Variants in ETV1 observed in about 807,000 individuals in gnomAD.
The protein encoded by ETV1 is ETS variant transcription factor 1, also known as ETS translocation variant 1.
ETV1 carries 27 observed loss-of-function variants against 62.3 expected under a neutral mutation model. That is an observed-to-expected ratio of 0.43 (90% CI 0.32 to 0.60). The LOEUF is 0.60. Among genes scored for constraint, ETV1 ranks in the 20% least tolerant of loss-of-function variants. The pLI, the probability that ETV1 is intolerant of heterozygous loss-of-function variation, is 0.06. For synonymous variants in ETV1, 222 were observed against 199.6 expected (o/e 1.11, Z -0.94); for missense variants, 605 against 605.8 (o/e 1.00, Z 0.01).
In ETV1 at chr7:13,895,211, A is replaced by G. The variant is rs906042100; in HGVS notation, c.*655T>C. 1 of 233,482 alleles carries G rather than the reference A, an allele frequency of 4.3e-6. No homozygotes were observed. The highest frequency in any genetic ancestry group is 8.5e-6 in the Non-Finnish European group (1 of 117,982). The allele number at this position is 233,482 out of a possible 1,614,324, so 14.5% of individuals were successfully genotyped here. The stretch of plus-strand genomic sequence containing the variant: ...GTCCAAAATTGTGCCCCTCATTTAC[A>G]GTCATGGTGATTATTCAACTTCAGA... On this transcript the variant is annotated 3_prime_UTR_variant, in exon 14 of 14. Coordinates refer to ENST00000430479, the MANE Select transcript of ETV1 (RefSeq NM_004956.5).
At chr7:13,974,390 G>A (rs1200713632) in intron 6 of ETV1, among the ~76,000 whole-genome samples, 1 of 152,234 alleles carries the variant, frequency 6.6e-6, no homozygotes, top group Non-Finnish European at 1.5e-5. Context: ...GGCTTCGGTT[G>A]TAGAAGAATT....
chr7:13,914,434 C>G (rs1357164258), intron 9 of ETV1, among the ~76,000 whole-genome samples: 1 of 151,878 alleles, frequency 6.6e-6, no homozygotes, highest in Non-Finnish European at 1.5e-5. Flanking sequence ...GTGATGAAAG[C>G]TGATCTAATA....
At chr7:13,987,008 T>C (rs1782605930) in intron 4 of ETV1, 1 of 247,092 alleles carries the variant, frequency 4.0e-6, no homozygotes. Flanking sequence ...TATGTGTCTG[T>C]TCACTGAAAT....
chr7:13,940,934 A>C (rs1281759108), intron 6 of ETV1, among the ~76,000 whole-genome samples: 2 of 152,216 alleles, frequency 1.3e-5, no homozygotes, highest in African/African-American at 4.8e-5. Context: ...CGCACATTTT[A>C]CTTAAGTGAT....
At chr7:13,941,315 G>A (rs1787479065) in intron 6 of ETV1, among the ~76,000 whole-genome samples, 1 of 152,260 alleles carries the variant, frequency 6.6e-6, no homozygotes, top group South Asian at 2.1e-4. Context: ...TGTGACAATA[G>A]TTGTATTTAA....
intron 12 of ETV1, among the ~76,000 whole-genome samples, chr7:13,905,961 C>A (rs1401274263): frequency 6.6e-6 from 1 of 152,116 alleles, no homozygotes; most frequent in Non-Finnish European, 1.5e-5. Flanking sequence ...TTGAACATAA[C>A]TTTGGCCTCT....
intron 8 of ETV1, among the ~76,000 whole-genome samples, chr7:13,934,689 ATTACCAATTATACACCT>A (rs1786586833): frequency 2.0e-5 from 3 of 152,234 alleles, no homozygotes; most frequent in African/African-American, 7.2e-5. Context: ...ACTACATTTC[ATTACCAATTATACACCT>A]GAGGTTACTT....
chr7:13,922,773 C>T (rs1212682968), intron 9 of ETV1, among the ~76,000 whole-genome samples: 6 of 152,150 alleles, frequency 3.9e-5, no homozygotes, highest in African/African-American at 1.4e-4. Context: ...TAATTAGTGT[C>T]TTTCAACAGC....
At position 13,894,345 on chromosome 7, in the gene ETV1, C is replaced by G. The variant is rs1202213724; in HGVS notation, c.*1521G>C. On this transcript the variant is annotated 3_prime_UTR_variant, in exon 14 of 14. Coordinates refer to ENST00000430479, the MANE Select transcript of ETV1 (RefSeq NM_004956.5). ...CAACATACCCTGCTTTCAATATTTT[C>G]TCCAAATGCAAAGCAAAAACAGAAC... 3 of 232,536 alleles carry G rather than the reference C, an allele frequency of 1.3e-5. No homozygotes were observed. In the East Asian group the frequency reaches 1.8e-4, roughly 14 times the overall value. 14.4% of individuals were successfully genotyped at this position (232,536 alleles called of 1,614,324 possible). A position where few individuals can be genotyped will look rare whatever the true frequency, so the allele number is the denominator to read the frequency against.
intron 6 of ETV1, among the ~76,000 whole-genome samples, chr7:13,951,872 ATGTT>A (rs1788852158): frequency 1.3e-5 from 2 of 152,188 alleles, no homozygotes; most frequent in African/African-American, 2.4e-5. Flanking sequence ...TACTCAGTAA[ATGTT>A]TGTTACTACT....
rs572374834 is a variant in ETV1, at chr7:13,933,512, G to C, written c.555-1763C>G. On this transcript the variant is annotated intron_variant, in intron 8 of 13. Coordinates refer to ENST00000430479, the MANE Select transcript of ETV1 (RefSeq NM_004956.5). Reference sequence around the variant, plus strand: ...AGTGGGTTCAGGAAAAAGTGCCAAAGGGCTGGCCCCAGGAGCAGAGTGAGG... The same window carrying C: ...AGTGGGTTCAGGAAAAAGTGCCAAACGGCTGGCCCCAGGAGCAGAGTGAGG... 2.6e-3 allele frequency among the ~76,000 whole-genome samples: 398 copies of C among 152,300 alleles called. 2 individuals carry two copies. The highest frequency in any genetic ancestry group is 4.0e-3 in the Non-Finnish European group (275 of 68,030).
At chr7:13,965,687 T>C (rs571015265) in intron 6 of ETV1, among the ~76,000 whole-genome samples, 3 of 152,284 alleles carry the variant, frequency 2.0e-5, no homozygotes, top group African/African-American at 4.8e-5. Context: ...ATAGAGATTA[T>C]TGAGAAATGT....
chr7:13,914,236 T>C (rs924958408), intron 9 of ETV1, among the ~76,000 whole-genome samples: 77 of 152,134 alleles, frequency 5.1e-4, no homozygotes, highest in African/African-American at 1.8e-3. Flanking sequence ...TCATGTTAGC[T>C]CCTAAAGCGC....
At chr7:13,926,610 G>A (rs1027284804) in intron 9 of ETV1, among the ~76,000 whole-genome samples, 7 of 151,666 alleles carry the variant, frequency 4.6e-5, no homozygotes, top group African/African-American at 1.7e-4. Flanking sequence ...ATAAGGGCAT[G>A]AAAAAAAATA....
chr7:13,894,645 A>G lies in ETV1; in HGVS notation c.*1221T>C, dbSNP rs1474586379. On this transcript the variant is annotated 3_prime_UTR_variant, in exon 14 of 14. Coordinates refer to ENST00000430479, the MANE Select transcript of ETV1 (RefSeq NM_004956.5). ...GCGTAAGCTATTTTTTAAGCAATAA[A>G]TGGTTTGAGTCATCTATTTTGTCCT... 1 of 232,492 alleles carries G rather than the reference A, an allele frequency of 4.3e-6. No individual in the cohort carries two copies. 14.4% of individuals were successfully genotyped at this position (232,492 alleles called of 1,614,324 possible). A position where few individuals can be genotyped will look rare whatever the true frequency, so the allele number is the denominator to read the frequency against.
At chr7:13,981,347 A>G (rs1781965081) in intron 5 of ETV1, among the ~76,000 whole-genome samples, 1 of 152,116 alleles carries the variant, frequency 6.6e-6, no homozygotes, top group African/African-American at 2.4e-5. Flanking sequence ...CATATGAGCC[A>G]TGTGGCCCAA....
At chr7:13,975,317 C>T (rs906216162) in intron 6 of ETV1, among the ~76,000 whole-genome samples, 10 of 151,992 alleles carry the variant, frequency 6.6e-5, no homozygotes, top group African/African-American at 9.7e-5. Flanking sequence ...GAGGCCAAGG[C>T]GGGCGGATCA....
chr7:13,925,537 C>T (rs1169011179), intron 9 of ETV1, among the ~76,000 whole-genome samples: 1 of 151,750 alleles, frequency 6.6e-6, no homozygotes, highest in Non-Finnish European at 1.5e-5. Flanking sequence ...TGAGTTTGGA[C>T]ACTTCTCTTC....
chr7:13,977,196 C>G (rs1781533276), intron 6 of ETV1, among the ~76,000 whole-genome samples: 1 of 152,192 alleles, frequency 6.6e-6, no homozygotes, highest in Admixed American at 6.5e-5. Flanking sequence ...GTCTTCCTTG[C>G]CTACTATTTG....
Sources: allele counts gnomAD v4.1 joint callset (sites outside exome capture counted in the v4.1 genomes callset), GRCh38; gene constraint gnomAD v4.1.1; transcripts MANE v1.5; gene names NCBI Gene and HGNC (gene_info 2026-07-23, HGNC 2026-07-21).